The following ACOT13 variants were observed in gnomAD, a reference collection of about 807,000 sequenced individuals.
ACOT13 encodes the protein acyl-CoA thioesterase 13.
ACOT13 carries 10 observed loss-of-function variants against 11.8 expected under a neutral mutation model. The ratio of observed to expected loss-of-function variants is 0.85; its 90% CI spans 0.53 to 1.44. ACOT13 has a LOEUF of 1.44. ACOT13 is among the 40% of genes most tolerant of loss of function. ACOT13 has a pLI of 0.00. For missense variants in ACOT13, 172 were observed against 174.1 expected, an observed-to-expected ratio of 0.99 and a Z score of 0.07; for synonymous variants, 53 against 61.0, an observed-to-expected ratio of 0.87 and a Z score of 0.61.
intron 1 of ACOT13, among the ~76,000 whole-genome samples, chr6:24,686,164 G>C (rs1167074130): frequency 1.3e-5 from 2 of 152,140 alleles, no homozygotes; most frequent in Non-Finnish European, 2.9e-5. Flanking sequence ...ATAGTTCTTG[G>C]CCTCTAGGAA....
chr6:24,686,879 T>C (rs565897059), intron 1 of ACOT13, among the ~76,000 whole-genome samples: 1 of 152,188 alleles, frequency 6.6e-6, no homozygotes, highest in Admixed American at 6.5e-5. Context: ...TTTTTAAAAT[T>C]TTTTGTAAAA....
At chr6:24,675,637 G>T (rs1489474016) in intron 1 of ACOT13, among the ~76,000 whole-genome samples, 1 of 152,142 alleles carries the variant, frequency 6.6e-6, no homozygotes, top group Non-Finnish European at 1.5e-5. Flanking sequence ...TTAGCCCTTT[G>T]TCAGTTGGGT....
intron 1 of ACOT13, among the ~76,000 whole-genome samples, chr6:24,691,603 T>C (rs1200629297): frequency 2.6e-5 from 4 of 152,134 alleles, no homozygotes; most frequent in South Asian, 2.1e-4. Flanking sequence ...TTAAATCTTA[T>C]CTGGAAAGAT....
chr6:24,681,144 C>A (rs1326780584), intron 1 of ACOT13, among the ~76,000 whole-genome samples: 1 of 151,408 alleles, frequency 6.6e-6, no homozygotes, highest in Non-Finnish European at 1.5e-5. Context: ...ATAATAGCCC[C>A]ATACTTTAAG....
chr6:24,680,538 A>G (rs147023857), intron 1 of ACOT13, among the ~76,000 whole-genome samples: 1 of 152,140 alleles, frequency 6.6e-6, no homozygotes, highest in African/African-American at 2.4e-5. Flanking sequence ...GTAACCACCC[A>G]TGGACCTCTG....
rs1405434573 is a variant in ACOT13, at chr6:24,702,548, T to C, written c.*933T>C. The C allele has an allele frequency of 6.6e-6, 1 of 152,178 alleles. No homozygotes were observed. Among genetic ancestry groups the C allele is most frequent in the East Asian group, 1.9e-4 (1 of 5,198 alleles). 9.4% of individuals were successfully genotyped at this position (152,178 alleles called of 1,614,324 possible). A position where few individuals can be genotyped will look rare whatever the true frequency, so the allele number is the denominator to read the frequency against. ...AACATACAAATTTAGGGGAAACACA[T>C]GGAGACCACAGCAATGGCCAATCCT... On this transcript the variant is annotated 3_prime_UTR_variant, in exon 3 of 3. Transcript: ENST00000230048.
intron 1 of ACOT13, among the ~76,000 whole-genome samples, chr6:24,685,942 C>T (rs776192326): frequency 1.3e-5 from 2 of 151,948 alleles, no homozygotes; most frequent in Non-Finnish European, 2.9e-5. Context: ...CTTGTAATCC[C>T]AGCACTTTGG....
At chr6:24,676,220 G>A (rs1778452846) in intron 1 of ACOT13, among the ~76,000 whole-genome samples, 1 of 152,022 alleles carries the variant, frequency 6.6e-6, no homozygotes. Context: ...CTCTTTTTTG[G>A]TTCCATATGA....
At chr6:24,698,175 T>C in intron 2 of ACOT13, 108 bp downstream of exon 2, 1 of 979,756 alleles carries the variant, frequency 1.0e-6, no homozygotes, top group Non-Finnish European at 1.4e-6. Context: ...AATTAGCTGC[T>C]TATCTCCTTA....
chr6:24,677,659 T>C (rs903221764), intron 1 of ACOT13, among the ~76,000 whole-genome samples: 4 of 152,212 alleles, frequency 2.6e-5, no homozygotes, highest in Non-Finnish European at 5.9e-5. Context: ...GTTAGGGCCT[T>C]CTTTAGGGCC....
In ACOT13 at chr6:24,667,233, G is replaced by T. The variant is rs1414684594; in HGVS notation, c.-31G>T. ...CAGCTCTTCCGAAGTTCGTTCTTGC[G>T]CAAAGCCCAAAGGCTGGAAAACCGT... On this transcript the variant is annotated 5_prime_UTR_variant, in exon 1 of 3. Coordinates refer to ENST00000230048, the MANE Select transcript of ACOT13 (RefSeq NM_018473.4). 1 of 1,609,600 alleles carries T rather than the reference G, an allele frequency of 6.2e-7. No homozygotes were observed. The highest frequency in any genetic ancestry group is 8.5e-7 in the Non-Finnish European group (1 of 1,176,706).
chr6:24,684,591 A>T (rs1555087), intron 1 of ACOT13, among the ~76,000 whole-genome samples: 116,604 of 152,100 alleles, frequency 0.77, 45,433 homozygotes, highest in African/African-American at 0.9. Context: ...ATTAGTGCTA[A>T]CTGGTGGAAA....
At chr6:24,689,054 A>C (rs1778681485) in intron 1 of ACOT13, among the ~76,000 whole-genome samples, 1 of 152,136 alleles carries the variant, frequency 6.6e-6, no homozygotes, top group Non-Finnish European at 1.5e-5. Flanking sequence ...TCAGAGTGTA[A>C]AAATTAAGGT....
intron 2 of ACOT13, among the ~76,000 whole-genome samples, chr6:24,699,284 A>T (rs1018747747): frequency 2.8e-5 from 4 of 140,358 alleles, no homozygotes; most frequent in East Asian, 2.1e-4. Flanking sequence ...GTCTCGGCTC[A>T]CTGCAAGCTC....
At chr6:24,677,727 G>A (rs1778479165) in intron 1 of ACOT13, among the ~76,000 whole-genome samples, 1 of 152,194 alleles carries the variant, frequency 6.6e-6, no homozygotes, top group Non-Finnish European at 1.5e-5. Flanking sequence ...GGCTTTCTGA[G>A]TTTCCTTAGT....
intron 1 of ACOT13, among the ~76,000 whole-genome samples, chr6:24,670,813 T>G (rs963162604): frequency 1.2e-4 from 19 of 152,072 alleles, no homozygotes; most frequent in African/African-American, 4.3e-4. Context: ...AAGCAAAAAG[T>G]CAAAAAGATT....
intron 1 of ACOT13, among the ~76,000 whole-genome samples, chr6:24,674,308 G>A (rs947743668): frequency 2.6e-5 from 4 of 152,102 alleles, no homozygotes; most frequent in Admixed American, 6.5e-5. Flanking sequence ...TGCATGCCAC[G>A]GCCTCCCAAA....
intron 2 of ACOT13, among the ~76,000 whole-genome samples, chr6:24,700,129 G>C (rs969070943): frequency 5.9e-5 from 9 of 152,154 alleles, no homozygotes; most frequent in African/African-American, 2.2e-4. Context: ...TGTGACTTAG[G>C]TTAAAAACAA....
chr6:24,674,852 G>A (rs1467825826), intron 1 of ACOT13, among the ~76,000 whole-genome samples: 1 of 151,478 alleles, frequency 6.6e-6, no homozygotes, highest in Non-Finnish European at 1.5e-5. Context: ...ATTTACATTA[G>A]GTATATCTCC....
Sources: allele counts gnomAD v4.1 joint callset (sites outside exome capture counted in the v4.1 genomes callset), GRCh38; gene constraint gnomAD v4.1.1; transcripts MANE v1.5; gene names NCBI Gene and HGNC (gene_info 2026-07-23, HGNC 2026-07-21).